GPLD1: variants seen among roughly 807,000 people sequenced by gnomAD.
GPLD1 encodes glycosylphosphatidylinositol specific phospholipase D1, also known as phosphatidylinositol-glycan-specific phospholipase D.
In GPLD1, 84 loss-of-function variants were observed where a neutral mutation model predicts 112.6. The ratio of observed to expected loss-of-function variants is 0.75; its 90% confidence interval spans 0.63 to 0.89. The LOEUF (loss-of-function observed/expected upper bound fraction) is 0.89, where lower values mean the gene tolerates loss of function less well. GPLD1 is among the 40% of genes least tolerant of loss of function. The pLI is 0.00. For synonymous variants in GPLD1, 386 were observed against 403.8 expected, an observed-to-expected ratio of 0.96 and a Z score of 0.53; for missense variants, 1,044 against 1,051.5, an observed-to-expected ratio of 0.99 and a Z score of 0.10.
intron 20 of GPLD1, among the ~76,000 whole-genome samples, chr6:24,441,183 G>A (rs1156830134): frequency 6.6e-6 from 1 of 151,738 alleles, no homozygotes; most frequent in African/African-American, 2.4e-5. Context: ...GTGCGTGCCT[G>A]TAGTTCCAGC....
At chr6:24,456,945 A>G (rs1410004378) in intron 12 of GPLD1, among the ~76,000 whole-genome samples, 1 of 152,158 alleles carries the variant, frequency 6.6e-6, no homozygotes, top group Non-Finnish European at 1.5e-5. Flanking sequence ...ATCTCAACTC[A>G]CTGCAACCTC....
chr6:24,485,310 G>A (rs1764332306), intron 2 of GPLD1, among the ~76,000 whole-genome samples: 1 of 152,160 alleles, frequency 6.6e-6, no homozygotes, highest in Non-Finnish European at 1.5e-5. Context: ...GGCCAAGGTG[G>A]AAGGATTGCT....
rs971199473 is a variant in GPLD1, at chr6:24,446,350, A to T, written c.1820+488T>A. Among the ~76,000 whole-genome samples, 5 of 12,228 alleles carry T rather than the reference A, an allele frequency of 4.1e-4. 1 individual carries two copies. The South Asian group carries it at 9.3e-3, about 23-fold the overall frequency. 8.0% of individuals were successfully genotyped at this position (12,228 alleles called of 152,430 possible). On this transcript the variant is annotated intron_variant, in intron 18 of 24. Coordinates refer to ENST00000230036, the MANE Select transcript of GPLD1 (RefSeq NM_001503.4). Reference sequence around the variant, plus strand: ...ATCCCTATAAAAATGTTTTTAAATTAAAAAAAAAAATTAGCTAGGCATGGG... The same window carrying T: ...ATCCCTATAAAAATGTTTTTAAATTTAAAAAAAAAATTAGCTAGGCATGGG...
rs1051850100 is a variant in GPLD1 at position 24,427,777 on chromosome 6, C to T, written c.*1255G>A. Among the ~76,000 whole-genome samples, 16 of 131,598 alleles carry T rather than the reference C, an allele frequency of 1.2e-4. No individual in the cohort carries two copies. The highest frequency in any genetic ancestry group is 4.1e-4 in the African/African-American group (14 of 34,456). The allele number at this position is 131,598 out of a possible 152,430, so 86.3% of individuals were successfully genotyped here. A position where few individuals can be genotyped will look rare whatever the true frequency, so the allele number is the denominator to read the frequency against. The stretch of plus-strand genomic sequence containing the variant: ...AGGAGAATCACTTGAACCTGGGAGG[C>T]GGAGGTTGCAGTGAGCTGAGATCAC... On this transcript the variant is annotated 3_prime_UTR_variant, in exon 25 of 25. Coordinates refer to ENST00000230036, the MANE Select transcript of GPLD1 (RefSeq NM_001503.4).
intron 8 of GPLD1, 74 bp from the exon 9 acceptor site, chr6:24,467,013 A>G: frequency 1.5e-6 from 2 of 1,328,694 alleles, no homozygotes; most frequent in Non-Finnish European, 2.2e-6. Context: ...ATGAAGAAAA[A>G]GTTCCATCCA....
chr6:24,446,826 C>G lies in GPLD1; in HGVS notation c.1820+12G>C. 1 of 1,612,134 alleles carries G rather than the reference C, an allele frequency of 6.2e-7. No homozygotes were observed. The highest frequency in any genetic ancestry group is 8.5e-7 in the Non-Finnish European group (1 of 1,179,054). ...TGTGTTCATGGTTCCCAGCCCCCAGCATCAGCCTCACCTGCTGGCATTCTT... is the reference window on the plus strand; with the variant it reads ...TGTGTTCATGGTTCCCAGCCCCCAGGATCAGCCTCACCTGCTGGCATTCTT... On this transcript the variant is annotated intron_variant, in intron 18 of 24. Coordinates refer to ENST00000230036, the MANE Select transcript of GPLD1 (RefSeq NM_001503.4).
At chr6:24,453,956 C>G in intron 14 of GPLD1, 59 bp downstream of exon 14, 1 of 1,090,066 alleles carries the variant, frequency 9.2e-7, no homozygotes, top group Non-Finnish European at 1.4e-6. Context: ...GAGAATCTGC[C>G]ACAAAATGCA....
At chr6:24,444,449 C>T (rs1457807712) in intron 20 of GPLD1, among the ~76,000 whole-genome samples, 1 of 151,052 alleles carries the variant, frequency 6.6e-6, no homozygotes, top group East Asian at 1.9e-4. Context: ...GAAGTTTCCA[C>T]AATAAGCATA....
At chr6:24,479,224 C>CCA (rs1421462431) in intron 3 of GPLD1, among the ~76,000 whole-genome samples, 1 of 152,108 alleles carries the variant, frequency 6.6e-6, no homozygotes, top group Non-Finnish European at 1.5e-5. Flanking sequence ...AACTTCTCCC[C>CCA]CACACAGAAA....
intron 10 of GPLD1, among the ~76,000 whole-genome samples, chr6:24,463,344 T>C (rs1477110908): frequency 6.6e-6 from 1 of 152,182 alleles, no homozygotes; most frequent in Admixed American, 6.5e-5. Flanking sequence ...GGTATTAATA[T>C]AAGAAGAGTA....
chr6:24,480,476 C>T (rs1370125633), intron 2 of GPLD1, among the ~76,000 whole-genome samples: 17 of 150,798 alleles, frequency 1.1e-4, no homozygotes, highest in Admixed American at 1.1e-3. Flanking sequence ...GCATGAGCCA[C>T]CATACCTGGC....
chr6:24,490,680 AGGT>A (rs756966114), upstream of GPLD1, among the ~76,000 whole-genome samples: 12 of 151,672 alleles, frequency 7.9e-5, no homozygotes, highest in South Asian at 1.7e-3. Flanking sequence ...TGAACCCAGG[AGGT>A]GGAGATTGCG....
chr6:24,433,668 T>C (rs1762480147), intron 22 of GPLD1: 1 of 312,432 alleles, frequency 3.2e-6, no homozygotes, highest in South Asian at 3.9e-5. Context: ...AATTTTTTTG[T>C]ATTTTTAGTA....
chr6:24,485,670 G>GTATTTTTTTTTTT (rs1561860043), intron 2 of GPLD1, among the ~76,000 whole-genome samples: 1 of 141,074 alleles, frequency 7.1e-6, no homozygotes, highest in Non-Finnish European at 1.5e-5. Context: ...TAAATAATGA[G>GTATTTTTTTTTTT]TCTCTTTTTT....
intron 22 of GPLD1, among the ~76,000 whole-genome samples, chr6:24,434,030 G>A (rs1002274370): frequency 1.4e-4 from 21 of 151,866 alleles, no homozygotes; most frequent in African/African-American, 3.6e-4. Context: ...CTCATCAGCC[G>A]GTAAATATCA....
chr6:24,474,581 T>C (rs1291363796), intron 5 of GPLD1, among the ~76,000 whole-genome samples: 1 of 152,226 alleles, frequency 6.6e-6, no homozygotes, highest in African/African-American at 2.4e-5. Context: ...CATCTATGAC[T>C]GTTTTCAGTA....
Position 24,473,603 on chromosome 6 carries a change from T to G in GPLD1, c.490+16A>C. The G allele has an allele frequency of 6.4e-7, 1 of 1,556,178 alleles. No homozygotes were observed. Among genetic ancestry groups the G allele is most frequent in the Non-Finnish European group, 8.9e-7 (1 of 1,127,816 alleles). ...CTATACCACGAGAAAATTTAGCAAA[T>G]GTAAATAAACAGTACCAAAATCACC... On this transcript the variant is annotated intron_variant, in intron 6 of 24. Coordinates refer to ENST00000230036, the MANE Select transcript of GPLD1 (RefSeq NM_001503.4).
At chr6:24,494,440 G>A (rs1764637004), upstream of GPLD1, among the ~76,000 whole-genome samples, 1 of 152,126 alleles carries the variant, frequency 6.6e-6, no homozygotes, top group Non-Finnish European at 1.5e-5. Flanking sequence ...AGCAGAACGC[G>A]GGGTCACACT....
upstream of GPLD1, among the ~76,000 whole-genome samples, chr6:24,494,275 A>G (rs775993155): frequency 2.0e-4 from 30 of 152,344 alleles, no homozygotes; most frequent in Middle Eastern, 3.4e-3. Flanking sequence ...GTTCTATTTT[A>G]TAAGTGACTG....
Sources: gnomAD v4.1 joint callset for allele counts (sites outside exome capture counted in the v4.1 genomes callset) on GRCh38, gnomAD v4.1.1 for gene constraint, MANE v1.5 for transcripts, NCBI Gene and HGNC (gene_info 2026-07-23, HGNC 2026-07-21) for gene names.